Variants in DROSHA observed in about 807,000 individuals in gnomAD.
The protein encoded by DROSHA is drosha ribonuclease III.
Under a neutral mutation model 181.9 loss-of-function variants are expected in DROSHA, and 56 were observed. That is an observed-to-expected ratio of 0.31 (90% CI 0.25 to 0.38). DROSHA has a LOEUF of 0.38. Ranked by LOEUF, DROSHA falls within the 10% of genes least tolerant of loss-of-function variation. DROSHA has a pLI of 1.00. For missense variants in DROSHA, 1,218 were observed against 1,743.5 expected, an observed-to-expected ratio of 0.70 and a Z score of 5.37; for synonymous variants, 524 against 591.2, an observed-to-expected ratio of 0.89 and a Z score of 1.65.
At position 31,526,840 on chromosome 5, in the gene DROSHA, T is replaced by C; in HGVS notation, c.93A>G (p.Ala31=). 1.9e-6 allele frequency: 3 copies of C among 1,613,354 alleles called. No homozygotes were observed. Among genetic ancestry groups the C allele is most frequent in the Non-Finnish European group, 2.5e-6 (3 of 1,179,812 alleles). The change falls in exon 5 of 36, where the codon GCA becomes GCG. Residue 31 remains alanine (A), a synonymous_variant. Transcript: ENST00000344624. ...GRGGHGARPS[A]PSFRPQNLRL... ...TCAGATTTTGGGGCCTAAAGGATGG[T>C]GCTGAGGGTCTGGCTCCATGTCCTC...
At chr5:31,508,528 T>G in intron 10 of DROSHA, 93 bp downstream of exon 10, 4 of 1,561,358 alleles carry the variant, frequency 2.6e-6, no homozygotes, top group Non-Finnish European at 3.5e-6. Context: ...AAATTCAGTT[T>G]CAATACTAGG....
chr5:31,508,481 AAAAG>A, intron 10 of DROSHA, 136 bp downstream of exon 10: 2 of 1,249,894 alleles, frequency 1.6e-6, no homozygotes, highest in Non-Finnish European at 2.2e-6. Flanking sequence ...CCTGAAGCTG[AAAAG>A]AAATAGCTCT....
At chr5:31,404,393 C>T (rs911557785) in intron 35 of DROSHA, among the ~76,000 whole-genome samples, 1 of 152,184 alleles carries the variant, frequency 6.6e-6, no homozygotes, top group African/African-American at 2.4e-5. Flanking sequence ...TGGACCCTGG[C>T]AGCATCAGCG....
chr5:31,439,968 C>T (rs1048647463), intron 23 of DROSHA, among the ~76,000 whole-genome samples: 3 of 152,144 alleles, frequency 2.0e-5, no homozygotes, highest in Non-Finnish European at 1.5e-5. Context: ...TGACACCAAC[C>T]CACATCTCCC....
In DROSHA at chr5:31,400,676, C is replaced by T. The variant is rs1479699068; in HGVS notation, c.*756G>A. The T allele has an allele frequency of 2.0e-5, 3 of 152,256 alleles. No homozygotes were observed. The highest frequency in any genetic ancestry group is 2.9e-5 in the Non-Finnish European group (2 of 68,084). The allele number at this position is 152,256 out of a possible 1,614,324, so 9.4% of individuals were successfully genotyped here. ...TCCTGCTCCCCATGCCCTCTCAAATCTCAAACACACACAGAAAATTGAATA... is the reference window on the plus strand; with the variant it reads ...TCCTGCTCCCCATGCCCTCTCAAATTTCAAACACACACAGAAAATTGAATA... On this transcript the variant is annotated 3_prime_UTR_variant, in exon 36 of 36. Transcript: ENST00000344624.
intron 23 of DROSHA, among the ~76,000 whole-genome samples, chr5:31,448,266 T>C (rs1746548275): frequency 6.6e-6 from 1 of 152,206 alleles, no homozygotes; most frequent in Admixed American, 6.5e-5. Context: ...ATTTATATGA[T>C]GCCTTTCATA....
At chr5:31,503,022 T>C (rs1737482487) in intron 11 of DROSHA, among the ~76,000 whole-genome samples, 1 of 151,942 alleles carries the variant, frequency 6.6e-6, no homozygotes, top group African/African-American at 2.4e-5. Context: ...GGTAGAGACT[T>C]GAAGGTGCAC....
chr5:31,404,420 T>C (rs1740403899), intron 35 of DROSHA, among the ~76,000 whole-genome samples: 1 of 152,112 alleles, frequency 6.6e-6, no homozygotes, highest in African/African-American at 2.4e-5. Flanking sequence ...CCCACTAAAC[T>C]CCCTGCCCCT....
chr5:31,444,712 G>A lies in DROSHA; in HGVS notation c.2882+3835C>T, dbSNP rs143101017. 2.0e-3 allele frequency among the ~76,000 whole-genome samples: 306 copies of A among 152,206 alleles called. 1 individual carries two copies. The highest frequency in any genetic ancestry group is 7.0e-3 in the African/African-American group (289 of 41,526). ...AATACAGACTTTACAATGTAGCAGG[G>A]TAAAATAAAACCATGGTCACACCAT... On this transcript the variant is annotated intron_variant, in intron 23 of 35. Transcript: ENST00000344624.
chr5:31,508,471 C>A (rs1353671028), intron 10 of DROSHA, 150 bp downstream of exon 10: 20 of 1,132,958 alleles, frequency 1.8e-5, no homozygotes, highest in Non-Finnish European at 7.5e-6. Flanking sequence ...TTGGAACTAA[C>A]CTGAAGCTGA....
chr5:31,520,988 C>T, intron 6 of DROSHA, 135 bp downstream of exon 6: 1 of 722,292 alleles, frequency 1.4e-6, no homozygotes, highest in South Asian at 2.2e-5. Context: ...TTACAGTCTG[C>T]TTTAGCTTTT....
intron 9 of DROSHA, among the ~76,000 whole-genome samples, chr5:31,510,753 C>T (rs193098667): frequency 5.8e-4 from 88 of 152,260 alleles, no homozygotes; most frequent in African/African-American, 2.0e-3. Context: ...CTCCTGCTCT[C>T]GGAAAGATGC....
chr5:31,436,741 AACACACACACACACACACACACACACAC>A (rs58046266), intron 24 of DROSHA, among the ~76,000 whole-genome samples: 16 of 137,790 alleles, frequency 1.2e-4, no homozygotes, highest in African/African-American at 2.7e-4. Context: ...TCTGGAGAGA[AACACACACACACACACACACACACACAC>A]ACACACACAC....
At chr5:31,527,192 A>G (rs916297284) in intron 4 of DROSHA, among the ~76,000 whole-genome samples, 1 of 152,086 alleles carries the variant, frequency 6.6e-6, no homozygotes, top group South Asian at 2.1e-4. Context: ...AAAATGACCA[A>G]TTCAACATCC....
At chr5:31,424,794 T>C (rs561031836) in intron 27 of DROSHA, among the ~76,000 whole-genome samples, 2 of 152,344 alleles carry the variant, frequency 1.3e-5, no homozygotes, top group Non-Finnish European at 2.9e-5. Context: ...CATATTTTTT[T>C]CTTACCATTG....
chr5:31,451,398 A>G, intron 21 of DROSHA, 135 bp downstream of exon 21: 1 of 707,402 alleles, frequency 1.4e-6, no homozygotes, highest in Non-Finnish European at 2.4e-6. Context: ...ACCAGGGTAG[A>G]GCAATGGAGA....
Position 31,508,628 on chromosome 5 carries a change from G to A in DROSHA, c.1580C>T (p.Pro527Leu), listed in dbSNP as rs1044116753. ...RLHDELWYND[P>L]GQMNDGPLCK... ...GGGCATAAAAACACGCACCTGGCCT[G>A]GATCGTTGTACCAAAGTTCATCATG... is the stretch of plus-strand genomic sequence containing the variant. The change falls in exon 10 of 36, where the codon CCA (proline) becomes CTA (leucine). Residue 527 changes from proline (P) to leucine (L), a missense_variant. Physicochemically the swap from Pro to Leu is moderately conservative, Grantham distance 98. Coordinates refer to ENST00000344624, the MANE Select transcript of DROSHA (RefSeq NM_001382508.1). 1.2e-6 allele frequency: 2 copies of A among 1,613,900 alleles called. No homozygotes were observed. Among genetic ancestry groups the A allele is most frequent in the Non-Finnish European group, 1.7e-6 (2 of 1,179,854 alleles).
At position 31,421,356 on chromosome 5, in the gene DROSHA, T is replaced by C. The variant is rs1261465475; in HGVS notation, c.3441A>G (p.Glu1147=). ...GTTGCATTATGGAGTCACCTAGGAA[T>C]TCCATTCTCTGATTGTGGCCTCTGG... ...HLTLGHNQRM[E]FLGDSIMQLV... The change falls in exon 30 of 36, where the codon GAA becomes GAG. Residue 1147 remains glutamate (E), a synonymous_variant. Transcript: ENST00000344624. 1.2e-6 allele frequency: 2 copies of C among 1,613,060 alleles called. No homozygotes were observed. The highest frequency in any genetic ancestry group is 1.7e-6 in the Non-Finnish European group (2 of 1,179,330).
At chr5:31,511,392 T>C (rs750492575) in intron 8 of DROSHA, among the ~76,000 whole-genome samples, 6 of 152,180 alleles carry the variant, frequency 3.9e-5, no homozygotes, top group Non-Finnish European at 7.3e-5. Flanking sequence ...CAGGTAAATG[T>C]GCCTTGCCAA....
Sources: gnomAD v4.1 joint callset for allele counts (sites outside exome capture counted in the v4.1 genomes callset) on GRCh38, gnomAD v4.1.1 for gene constraint, MANE v1.5 for transcripts, NCBI Gene and HGNC (gene_info 2026-07-23, HGNC 2026-07-21) for gene names.